CACNB4: variants seen among roughly 807,000 people sequenced by gnomAD.
CACNB4 encodes the protein voltage-dependent L-type calcium channel subunit beta-4.
Under a neutral mutation model 71.2 loss-of-function variants are expected in CACNB4, and 32 were observed. The ratio of observed to expected loss-of-function variants is 0.45; its 90% CI spans 0.34 to 0.60. The LOEUF (loss-of-function observed/expected upper bound fraction) is 0.60. Ranked by LOEUF, CACNB4 falls within the 20% of genes least tolerant of loss-of-function variation. The probability of loss-of-function intolerance (pLI) is 0.01; values close to 1 mark genes in which losing one functional copy is unlikely to be tolerated. For synonymous variants in CACNB4, 231 were observed against 236.9 expected (o/e 0.97, Z 0.23); for missense variants, 464 against 647.9 (o/e 0.72, Z 3.08).
At chr2:152,043,675 T>TATAC (rs913803507) in intron 2 of CACNB4, among the ~76,000 whole-genome samples, 2 of 146,942 alleles carry the variant, frequency 1.4e-5, no homozygotes, top group African/African-American at 5.5e-5. Context: ...TGTATACACG[T>TATAC]ATACATACAT....
chr2:151,863,535 T>G (rs1215931197), intron 9 of CACNB4, among the ~76,000 whole-genome samples: 1 of 152,226 alleles, frequency 6.6e-6, no homozygotes, highest in Admixed American at 6.5e-5. Flanking sequence ...GGACTAATGA[T>G]GTTTGGAGGG....
chr2:152,073,915 G>A (rs1329109335), intron 2 of CACNB4, among the ~76,000 whole-genome samples: 1 of 152,186 alleles, frequency 6.6e-6, no homozygotes, highest in Non-Finnish European at 1.5e-5. Flanking sequence ...AGGACCAGAA[G>A]AGGCAGGACT....
At chr2:151,910,039 C>T (rs1219476904) in intron 2 of CACNB4, among the ~76,000 whole-genome samples, 1 of 152,224 alleles carries the variant, frequency 6.6e-6, no homozygotes, top group Non-Finnish European at 1.5e-5. Context: ...GCCTCGCCAG[C>T]ATCTGTTGTT....
At chr2:151,958,621 G>A (rs1365727432) in intron 2 of CACNB4, among the ~76,000 whole-genome samples, 2 of 152,118 alleles carry the variant, frequency 1.3e-5, no homozygotes, top group African/African-American at 4.8e-5. Flanking sequence ...CATTAAACCT[G>A]CTGCATTTAT....
At chr2:152,076,221 C>A (rs978119698) in intron 2 of CACNB4, among the ~76,000 whole-genome samples, 2 of 142,238 alleles carry the variant, frequency 1.4e-5, no homozygotes, top group African/African-American at 5.2e-5. Flanking sequence ...CGGCTCACTG[C>A]AACCTCTGCC....
chr2:151,884,420 G>A (rs1354579978), intron 2 of CACNB4, among the ~76,000 whole-genome samples: 2 of 148,146 alleles, frequency 1.4e-5, no homozygotes, highest in African/African-American at 5.0e-5. Context: ...TCAGGAGTTC[G>A]ACACCAGCCT....
intron 3 of CACNB4, among the ~76,000 whole-genome samples, chr2:151,882,062 G>T (rs867397105): frequency 6.6e-6 from 1 of 151,076 alleles, no homozygotes; most frequent in South Asian, 2.1e-4. Context: ...TGTATATTTA[G>T]TAGAGGTGGG....
At chr2:151,994,173 T>TA (rs201980694) in intron 2 of CACNB4, among the ~76,000 whole-genome samples, 1,906 of 149,432 alleles carry the variant, frequency 0.013, 37 homozygotes, top group African/African-American at 0.042. Flanking sequence ...CTCTGTTTCT[T>TA]AAAAAAAAAC....
chr2:152,088,064 A>T (rs1318080491), intron 2 of CACNB4, among the ~76,000 whole-genome samples: 1 of 152,014 alleles, frequency 6.6e-6, no homozygotes, highest in Non-Finnish European at 1.5e-5. Flanking sequence ...GACTGCTAAC[A>T]GGGATAGGTT....
intron 13 of CACNB4, among the ~76,000 whole-genome samples, chr2:151,839,837 T>C (rs913261967): frequency 6.6e-6 from 1 of 152,188 alleles, no homozygotes. Flanking sequence ...ATATTCCTTA[T>C]ACCTTTTAAA....
At chr2:151,909,142 G>A (rs13394161) in intron 2 of CACNB4, among the ~76,000 whole-genome samples, 68,057 of 148,022 alleles carry the variant, frequency 0.46, 19,560 homozygotes, top group Non-Finnish European at 0.64. Flanking sequence ...TTAAAAAAGA[G>A]GGGGCTGGTG....
intron 2 of CACNB4, among the ~76,000 whole-genome samples, chr2:152,029,720 A>G (rs533474546): frequency 6.6e-6 from 1 of 152,182 alleles, no homozygotes; most frequent in East Asian, 1.9e-4. Context: ...TGCTTAGGGC[A>G]TGAGGGCAGA....
chr2:151,940,664 A>G (rs889053032), intron 2 of CACNB4, among the ~76,000 whole-genome samples: 2 of 152,214 alleles, frequency 1.3e-5, no homozygotes, highest in Non-Finnish European at 2.9e-5. Flanking sequence ...AAATGGGGGT[A>G]ATCTTTGAGG....
chr2:151,944,944 A>G (rs1290830138), intron 2 of CACNB4, among the ~76,000 whole-genome samples: 1 of 152,238 alleles, frequency 6.6e-6, no homozygotes, highest in Non-Finnish European at 1.5e-5. Context: ...GCCAATATTA[A>G]TAAGAATAGG....
intron 2 of CACNB4, among the ~76,000 whole-genome samples, chr2:151,977,032 G>A (rs574235179): frequency 1.2e-4 from 18 of 150,778 alleles, no homozygotes; most frequent in East Asian, 5.8e-4. Flanking sequence ...AAACCACCCC[G>A]TTTCTGGCCT....
chr2:151,919,257 G>T (rs1223661489), intron 2 of CACNB4, among the ~76,000 whole-genome samples: 3 of 152,152 alleles, frequency 2.0e-5, no homozygotes, highest in East Asian at 1.9e-4. Flanking sequence ...AGTGAGACAA[G>T]GTCTCACTCA....
rs1051609552 is a variant in CACNB4 at position 151,917,032 on chromosome 2, A to G, written c.148-33662T>C. Reference sequence around the variant, plus strand: ...TTTGCTTTTTCAAAATTAAATGGATATATTTAGAAACATGTTTGTGTTTTT... The same window carrying G: ...TTTGCTTTTTCAAAATTAAATGGATGTATTTAGAAACATGTTTGTGTTTTT... On this transcript the variant is annotated intron_variant, in intron 2 of 13. Transcript: ENST00000539935. Among the ~76,000 whole-genome samples the G allele has an allele frequency of 2.0e-4, 30 of 152,228 alleles. 1 individual carries two copies. The highest frequency in any genetic ancestry group is 1.7e-3 in the Admixed American group (26 of 15,290).
At position 151,925,867 on chromosome 2, in the gene CACNB4, A is replaced by G. The variant is rs1248578796; in HGVS notation, c.148-42497T>C. Among the ~76,000 whole-genome samples the G allele has an allele frequency of 2.0e-5, 3 of 152,278 alleles. No homozygotes were observed. The East Asian group carries it at 5.8e-4, about 29-fold the overall frequency. ...GATGCAGGATGTGAGAAGGAGAGTT[A>G]AACCTGAATCCAAGGTGTTTGACCC... is the stretch of plus-strand genomic sequence containing the variant. On this transcript the variant is annotated intron_variant, in intron 2 of 13. Transcript: ENST00000539935.
chr2:152,012,370 G>A (rs773519928), intron 2 of CACNB4, among the ~76,000 whole-genome samples: 7 of 152,142 alleles, frequency 4.6e-5, no homozygotes, highest in Admixed American at 6.5e-5. Context: ...TTGGGAGGCC[G>A]AGGCAGGTGG....
Sources: allele counts gnomAD v4.1 joint callset (sites outside exome capture counted in the v4.1 genomes callset), GRCh38; gene constraint gnomAD v4.1.1; transcripts MANE v1.5; gene names NCBI Gene and HGNC (gene_info 2026-07-23, HGNC 2026-07-21).